STAR: variants seen among roughly 807,000 people sequenced by gnomAD.
STAR encodes the protein steroidogenic acute regulatory protein.
A neutral mutation model predicts 32.3 loss-of-function variants in STAR; 32 were observed. The ratio of observed to expected loss-of-function variants is 0.99; its 90% CI spans 0.75 to 1.33. The LOEUF (loss-of-function observed/expected upper bound fraction) is 1.33, where lower values mean the gene tolerates loss of function less well. Among genes scored for constraint, STAR ranks in the 40% most tolerant of loss-of-function variants. STAR has a pLI of 0.00. For missense variants in STAR, 375 were observed against 379.0 expected (o/e 0.99, Z 0.09); for synonymous variants, 134 against 140.5 (o/e 0.95, Z 0.33).
intron 1 of STAR, 96 bp downstream of exon 1, chr8:38,150,659 C>T (rs1802650896): frequency 1.3e-6 from 2 of 1,579,830 alleles, no homozygotes; most frequent in South Asian, 1.1e-5. Flanking sequence ...CAGGTTCACC[C>T]AGTAAGAGGC....
chr8:38,145,028 A>T (rs903700935), intron 6 of STAR, 194 bp downstream of exon 6: 1 of 1,354,350 alleles, frequency 7.4e-7, no homozygotes, highest in South Asian at 1.5e-5. Context: ...AAAAAAAAAA[A>T]AGAAGAGGGG....
At position 38,143,164 on chromosome 8, in the gene STAR, A is replaced by G. The variant is rs1802496159; in HGVS notation, c.*1109T>C. ...TATGGAAATTAAATTTTTATGAAAG[A>G]TCCTGGTAACAGAGTCTAAATTATT... is the stretch of plus-strand genomic sequence containing the variant. On this transcript the variant is annotated 3_prime_UTR_variant, in exon 7 of 7. Transcript: ENST00000276449. Among the ~76,000 whole-genome samples the G allele has an allele frequency of 6.6e-6, 1 of 152,186 alleles. No homozygotes were observed.
intron 1 of STAR, 35 bp downstream of exon 1, chr8:38,150,720 C>G: frequency 6.2e-7 from 1 of 1,604,196 alleles, no homozygotes; most frequent in Non-Finnish European, 8.5e-7. Flanking sequence ...TGAGAGCTGG[C>G]CAACCCCTCA....
intron 1 of STAR, chr8:38,149,145 C>T: frequency 1.1e-5 from 3 of 277,300 alleles, no homozygotes; most frequent in Non-Finnish European, 2.1e-5. Context: ...CGAGTCTGTG[C>T]TTGCATGAGG....
rs927782328 is a variant in STAR, at chr8:38,143,962, T to G, written c.*311A>C. On this transcript the variant is annotated 3_prime_UTR_variant, in exon 7 of 7. Coordinates refer to ENST00000276449, the MANE Select transcript of STAR (RefSeq NM_000349.3). The stretch of plus-strand genomic sequence containing the variant: ...CACACCCATATCAGCCACTAGCATT[T>G]TAAAGATGGTTTTAGGTGGGTACAT... 3.8e-5 allele frequency: 14 copies of G among 364,446 alleles called. No individual in the cohort carries two copies. The highest frequency in any genetic ancestry group is 3.0e-4 in the African/African-American group (14 of 47,252). 22.6% of individuals were successfully genotyped at this position (364,446 alleles called of 1,614,324 possible). A position where few individuals can be genotyped will look rare whatever the true frequency, so the allele number is the denominator to read the frequency against.
At position 38,148,660 on chromosome 8, in the gene STAR, C is replaced by A. The variant is rs199498999; in HGVS notation, c.159G>T (p.Arg53=). 8.1e-6 allele frequency: 13 copies of A among 1,614,056 alleles called. No individual in the cohort carries two copies. Among genetic ancestry groups the A allele is most frequent in the Middle Eastern group, 1.6e-4 (1 of 6,084 alleles). The part of the protein sequence containing the change: ...PTPSTWINQV[R]RRSSLLGSRL... ...ACTTACCGAGTAGAGAGCTCCGCCG[C>A]CGAACCTGGTTAATCCACGTGCTAG... is the stretch of plus-strand genomic sequence containing the variant. Residue 53 remains arginine (R), a synonymous_variant, in exon 2 of 7, where the codon CGG becomes CGT. Coordinates refer to ENST00000276449, the MANE Select transcript of STAR (RefSeq NM_000349.3).
rs1337702416 is a variant in STAR at position 38,148,345 on chromosome 8, G to A, written c.179-18C>T. 6.2e-7 allele frequency: 1 copy of A among 1,613,760 alleles called. No homozygotes were observed. Among genetic ancestry groups the A allele is most frequent in the Non-Finnish European group, 8.5e-7 (1 of 1,179,938 alleles). On this transcript the variant is annotated intron_variant, in intron 2 of 6. Coordinates refer to ENST00000276449, the MANE Select transcript of STAR (RefSeq NM_000349.3). ...CCGAGAACCTGGATACACAGCCGAG[G>A]AGAGACAGAGCTTCCTTCTTCTCCC...
intron 2 of STAR, 35 bp from the exon 3 acceptor site, chr8:38,148,362 T>C (rs1009577014): frequency 6.2e-7 from 1 of 1,612,772 alleles, no homozygotes; most frequent in Non-Finnish European, 8.5e-7. Flanking sequence ...AGAGCTTCCT[T>C]CTTCTCCCAG....
At position 38,145,955 on chromosome 8, in the gene STAR, C is replaced by A; in HGVS notation, c.650+8G>T. 4 of 1,613,286 alleles carry A rather than the reference C, an allele frequency of 2.5e-6. No homozygotes were observed. Among genetic ancestry groups the A allele is most frequent in the Non-Finnish European group, 3.4e-6 (4 of 1,180,006 alleles). ...AGAGGGGGGTTTGGAGCCTGCTGCC[C>A]GTATTACCTGATGACACCCTTCTGC... is the stretch of plus-strand genomic sequence containing the variant. On this transcript the variant is annotated splice_region_variant and intron_variant, in intron 5 of 6. Transcript: ENST00000276449.
Position 38,145,279 on chromosome 8 carries a change from C to A in STAR, c.687G>T (p.Pro229=), listed in dbSNP as rs35852516. ...EHGPTCMVLH[P]LAGSPSKTKL... The stretch of plus-strand genomic sequence containing the variant: ...TGGTCTTAGAGGGACTTCCAGCCAA[C>A]GGGTGAAGCACCATGCAAGTGGGAC... The change falls in exon 6 of 7, where the codon CCG becomes CCT. Residue 229 remains proline, a synonymous_variant. Coordinates refer to ENST00000276449, the MANE Select transcript of STAR (RefSeq NM_000349.3). The A allele has an allele frequency of 6.2e-7, 1 of 1,614,154 alleles. No homozygotes were observed. Among genetic ancestry groups the A allele is most frequent in the Non-Finnish European group, 8.5e-7 (1 of 1,180,024 alleles).
chr8:38,148,579 A>G (rs766705596), intron 2 of STAR, 62 bp downstream of exon 2: 130 of 1,509,280 alleles, frequency 8.6e-5, no homozygotes, highest in Non-Finnish European at 1.1e-4. Context: ...CACATGCACC[A>G]CATCACCCTC....
chr8:38,148,987 T>G, intron 1 of STAR: 1 of 547,684 alleles, frequency 1.8e-6, no homozygotes. Flanking sequence ...GGCCTGGCCC[T>G]GCCTGGAGAT....
chr8:38,146,066 C>T lies in STAR; in HGVS notation c.547G>A (p.Asp183Asn). Residue 183 changes from aspartate to asparagine, a missense_variant, in exon 5 of 7, where the codon GAC (aspartate) becomes AAC (asparagine). Physicochemically the swap from Asp to Asn is conservative, Grantham distance 23 (BLOSUM62 1). Coordinates refer to ENST00000276449, the MANE Select transcript of STAR (RefSeq NM_000349.3). The stretch of plus-strand genomic sequence containing the variant: ...TTGGCACAGCGCACGCTCACAAAGT[C>T]ACGGGGCCCCACCAGGTTTCCTGCT... ...EAAGNLVGPR[D>N]FVSVRCAKRR... 3 of 1,614,262 alleles carry T rather than the reference C, an allele frequency of 1.9e-6. No individual in the cohort carries two copies. The highest frequency in any genetic ancestry group is 2.2e-5 in the East Asian group (1 of 44,888).
rs1438540246 is a variant in STAR, at chr8:38,148,247, A to G, written c.259T>C (p.Leu87=). 19 of 1,613,978 alleles carry G rather than the reference A, an allele frequency of 1.2e-5. No individual in the cohort carries two copies. Among genetic ancestry groups the G allele is most frequent in the Non-Finnish European group, 1.4e-5 (17 of 1,180,014 alleles). Residue 87 remains leucine, a synonymous_variant, in exon 3 of 7, where the codon TTG becomes CTG. Coordinates refer to ENST00000276449, the MANE Select transcript of STAR (RefSeq NM_000349.3). ...CCCTCTTGGTTGCTAAGGATGCCCA[A>G]GGCCTTCTGCATGGCCTCCTCCCCC... ...QQGEEAMQKA[L]GILSNQEGWK...
chr8:38,144,960 G>C, intron 6 of STAR: 1 of 1,267,462 alleles, frequency 7.9e-7, no homozygotes, highest in Non-Finnish European at 1.0e-6. Context: ...GGTGAGCTGA[G>C]ACCATGTCAT....
chr8:38,148,694 C>G lies in STAR; in HGVS notation c.125G>C (p.Gly42Ala). Residue 42 changes from glycine (G) to alanine (A), a missense_variant, in exon 2 of 7, where the codon GGC (glycine) becomes GCC (alanine). Transcript: ENST00000276449. ...SQELNRRALGGPTPSTWINQV... is the reference protein window; with the variant it reads ...SQELNRRALGAPTPSTWINQV... ...GTTAATCCACGTGCTAGGGGTGGGG[C>G]CCCCCAGGGCCCTCCGGTTCAGCTC... 6.2e-7 allele frequency: 1 copy of G among 1,613,840 alleles called. No homozygotes were observed. Among genetic ancestry groups the G allele is most frequent in the Middle Eastern group, 1.6e-4 (1 of 6,062 alleles).
Position 38,146,164 on chromosome 8 carries a change from A to T in STAR, c.466-17T>A. ...CTGCAGGACCTACCAGGCCATGGGG[A>T]ACCAGAATCACGACTCAGCCTGTGT... On this transcript the variant is annotated splice_polypyrimidine_tract_variant and intron_variant, in intron 4 of 6. Coordinates refer to ENST00000276449, the MANE Select transcript of STAR (RefSeq NM_000349.3). 1 of 1,613,738 alleles carries T rather than the reference A, an allele frequency of 6.2e-7. No individual in the cohort carries two copies. Among genetic ancestry groups the T allele is most frequent in the South Asian group, 1.1e-5 (1 of 91,064 alleles).
intron 1 of STAR, among the ~76,000 whole-genome samples, chr8:38,150,404 AAAAAG>A (rs1802646839): frequency 6.6e-6 from 1 of 151,538 alleles, no homozygotes; most frequent in Non-Finnish European, 1.5e-5. Context: ...CAAACAAAAA[AAAAAG>A]AAAAGGCGGA....
intron 6 of STAR, 178 bp downstream of exon 6, chr8:38,145,044 C>T: frequency 4.2e-6 from 6 of 1,420,798 alleles, no homozygotes; most frequent in Non-Finnish European, 5.5e-6. Context: ...AGGGGGCCAT[C>T]ACAGGCTTTG....
Sources: allele counts gnomAD v4.1 joint callset (sites outside exome capture counted in the v4.1 genomes callset), GRCh38; gene constraint gnomAD v4.1.1; transcripts MANE v1.5; gene names NCBI Gene and HGNC (gene_info 2026-07-23, HGNC 2026-07-21).